LUZP2: variants seen among roughly 807,000 people sequenced by gnomAD.
LUZP2 encodes leucine zipper protein 2.
Under a neutral mutation model 51.6 loss-of-function variants are expected in LUZP2, and 52 were observed. The ratio of observed to expected loss-of-function variants is 1.01; its 90% CI spans 0.81 to 1.27. The LOEUF is 1.27. LUZP2 is among the 50% of genes most tolerant of loss of function. The pLI is 0.00. For synonymous variants in LUZP2, 154 were observed against 137.3 expected (o/e 1.12, Z -0.85); for missense variants, 436 against 395.4 (o/e 1.10, Z -0.87).
chr11:24,714,718 A>G (rs1361560414), intron 1 of LUZP2, among the ~76,000 whole-genome samples: 4 of 152,192 alleles, frequency 2.6e-5, no homozygotes, highest in Non-Finnish European at 5.9e-5. Flanking sequence ...TTTTCTGCCA[A>G]AATGATTCAA....
At chr11:24,650,157 A>G (rs1260185432) in intron 1 of LUZP2, among the ~76,000 whole-genome samples, 1 of 151,010 alleles carries the variant, frequency 6.6e-6, no homozygotes, top group African/African-American at 2.4e-5. Context: ...TAATGTTTCC[A>G]TATACAGATA....
intron 5 of LUZP2, among the ~76,000 whole-genome samples, chr11:24,804,198 A>G (rs572730463): frequency 6.6e-6 from 1 of 152,216 alleles, no homozygotes; most frequent in African/African-American, 2.4e-5. Context: ...CATTTTTCTT[A>G]TTATATCACA....
intron 1 of LUZP2, among the ~76,000 whole-genome samples, chr11:24,661,537 C>T (rs1028509123): frequency 2.6e-5 from 4 of 152,172 alleles, no homozygotes; most frequent in Admixed American, 2.0e-4. Flanking sequence ...ATGAACCTTT[C>T]TGCTCCATTC....
chr11:24,554,312 T>C (rs1851805092), intron 1 of LUZP2, among the ~76,000 whole-genome samples: 1 of 152,162 alleles, frequency 6.6e-6, no homozygotes, highest in Admixed American at 6.6e-5. Context: ...TATTGTCTTA[T>C]ATATTCAGAA....
intron 1 of LUZP2, among the ~76,000 whole-genome samples, chr11:24,659,404 A>T (rs1245901671): frequency 6.6e-6 from 1 of 152,048 alleles, no homozygotes; most frequent in Non-Finnish European, 1.5e-5. Context: ...GGAACATCAC[A>T]CACCAGGGTC....
intron 8 of LUZP2, among the ~76,000 whole-genome samples, chr11:24,979,764 A>G (rs1288932690): frequency 2.0e-5 from 3 of 151,738 alleles, no homozygotes; most frequent in African/African-American, 7.3e-5. Context: ...TTTACACTAA[A>G]AATGTTTATA....
chr11:24,920,100 G>C (rs1565108966), intron 7 of LUZP2, among the ~76,000 whole-genome samples: 1 of 151,608 alleles, frequency 6.6e-6, no homozygotes, highest in Non-Finnish European at 1.5e-5. Context: ...TTTTTGGGGA[G>C]GTAGGGGTAA....
At chr11:24,879,245 A>C (rs1432457914) in intron 5 of LUZP2, among the ~76,000 whole-genome samples, 2 of 152,044 alleles carry the variant, frequency 1.3e-5, no homozygotes, top group East Asian at 3.9e-4. Context: ...TGCCCAGCTG[A>C]TCTCATTTAT....
rs530735404 is a variant in LUZP2, at chr11:24,581,535, G to A, written c.62+84230G>A. Among the ~76,000 whole-genome samples the A allele has an allele frequency of 7.7e-3, 422 of 55,094 alleles. 5 individuals carry two copies. The highest frequency in any genetic ancestry group is 0.016 in the African/African-American group (397 of 25,356). 36.1% of individuals were successfully genotyped at this position (55,094 alleles called of 152,430 possible). On this transcript the variant is annotated intron_variant, in intron 1 of 11. Coordinates refer to ENST00000336930, the MANE Select transcript of LUZP2 (RefSeq NM_001009909.4). Reference sequence around the variant, plus strand: ...AAAATACAAAAATTACCCAGGTGTGGTGGCGCTCTCTTGCAATCGCAGATA... The same window carrying A: ...AAAATACAAAAATTACCCAGGTGTGATGGCGCTCTCTTGCAATCGCAGATA...
At chr11:24,499,875 T>C (rs959661409) in intron 1 of LUZP2, among the ~76,000 whole-genome samples, 6 of 152,202 alleles carry the variant, frequency 3.9e-5, no homozygotes, top group African/African-American at 1.4e-4. Context: ...TTTAAAGTAA[T>C]CTGTTCAGTG....
intron 9 of LUZP2, among the ~76,000 whole-genome samples, chr11:25,028,686 G>A (rs770675220): frequency 5.7e-5 from 8 of 140,012 alleles, no homozygotes; most frequent in Non-Finnish European, 1.0e-4. Flanking sequence ...TTTTTAATTT[G>A]CATGTTTTTT....
chr11:24,689,963 A>G (rs1028007711), intron 1 of LUZP2, among the ~76,000 whole-genome samples: 1 of 152,086 alleles, frequency 6.6e-6, no homozygotes, highest in Non-Finnish European at 1.5e-5. Flanking sequence ...TTCTTAGAGA[A>G]TATCTAAGAA....
intron 5 of LUZP2, among the ~76,000 whole-genome samples, chr11:24,810,277 C>CA (rs1356740597): frequency 6.6e-6 from 1 of 152,082 alleles, no homozygotes; most frequent in African/African-American, 2.4e-5. Context: ...GATTACTGTG[C>CA]ATTTTTCCTG....
intron 1 of LUZP2, among the ~76,000 whole-genome samples, chr11:24,714,144 G>C (rs1857947664): frequency 6.6e-6 from 1 of 151,786 alleles, no homozygotes; most frequent in Non-Finnish European, 1.5e-5. Context: ...CATATGTTGG[G>C]GGTAGGAGGC....
chr11:24,632,203 G>A (rs61875687), intron 1 of LUZP2, among the ~76,000 whole-genome samples: 2 of 151,886 alleles, frequency 1.3e-5, no homozygotes, highest in Admixed American at 6.6e-5. Context: ...GAAGGAACTT[G>A]TGTGGGTATC....
chr11:24,922,825 C>CTTTTTTTTTTTT lies in LUZP2; in HGVS notation c.522+8298_522+8299insTTTTTTTTTTTT, dbSNP rs1277388215. Among the ~76,000 whole-genome samples the CTTTTTTTTTTTT allele has an allele frequency of 1.6e-4, 7 of 44,622 alleles. 2 individuals are homozygous for CTTTTTTTTTTTT. The highest frequency in any genetic ancestry group is 2.9e-3 in the South Asian group (2 of 688). 29.3% of individuals were successfully genotyped at this position (44,622 alleles called of 152,430 possible). On this transcript the variant is annotated intron_variant, in intron 7 of 11. Transcript: ENST00000336930. ...GGACTACCAAGTGGCACAGTTATAT[C>CTTTTTTTTTTTT]TTTTTTTTTTTCTTTTTTTTTTTTT...
chr11:24,565,104 A>T (rs568179785), intron 1 of LUZP2, among the ~76,000 whole-genome samples: 1 of 152,262 alleles, frequency 6.6e-6, no homozygotes, highest in East Asian at 1.9e-4. Flanking sequence ...TCTTTAAATG[A>T]CAAGGAATTC....
At position 24,951,283 on chromosome 11, in the gene LUZP2, A is replaced by G. The variant is rs1358482974; in HGVS notation, c.523-25308A>G. 1.3e-4 allele frequency among the ~76,000 whole-genome samples: 19 copies of G among 151,552 alleles called. No individual in the cohort carries two copies. In the Admixed American group the frequency reaches 1.3e-3, roughly 10 times the overall value. ...TGCCCTCCTTGTTAAATGATTATAA[A>G]AATATTATTTATTACTGCAGATAAT... On this transcript the variant is annotated intron_variant, in intron 7 of 11. Transcript: ENST00000336930.
chr11:24,533,931 T>C (rs1473256818), intron 1 of LUZP2, among the ~76,000 whole-genome samples: 1 of 151,326 alleles, frequency 6.6e-6, no homozygotes, highest in African/African-American at 2.4e-5. Flanking sequence ...CGTATCTTTC[T>C]GCTGCACTGT....
Sources: gnomAD v4.1 joint callset for allele counts (sites outside exome capture counted in the v4.1 genomes callset) on GRCh38, gnomAD v4.1.1 for gene constraint, MANE v1.5 for transcripts, NCBI Gene and HGNC (gene_info 2026-07-23, HGNC 2026-07-21) for gene names.